Variants in ZNF296 observed in about 807,000 individuals in gnomAD.
The protein encoded by ZNF296 is zinc finger protein 342.
ZNF296 carries 1 observed loss-of-function variant against 13.2 expected under a neutral mutation model. That is an observed-to-expected ratio of 0.08 (90% CI 0.03 to 0.36). ZNF296 has a LOEUF of 0.36. ZNF296 is among the 10% of genes least tolerant of loss of function. The probability of loss-of-function intolerance (pLI) is 0.99; values close to 1 mark genes in which losing one functional copy is unlikely to be tolerated. For synonymous variants in ZNF296, 303 were observed against 289.0 expected (o/e 1.05, Z -0.49); for missense variants, 555 against 688.2 (o/e 0.81, Z 2.16).
intron 2 of ZNF296, among the ~76,000 whole-genome samples, chr19:45,073,537 T>C (rs1967292616): frequency 6.6e-6 from 1 of 150,850 alleles, no homozygotes; most frequent in Non-Finnish European, 1.5e-5. Flanking sequence ...GGTCGCGATC[T>C]CCTGACCTCA....
Position 45,076,092 on chromosome 19 carries a change from C to A in ZNF296, c.282G>T (p.Leu94Phe). The change falls in exon 1 of 3, where the codon TTG (leucine) becomes TTT (phenylalanine). Residue 94 changes from leucine to phenylalanine, a missense_variant. Physicochemically the swap from Leu to Phe is conservative, Grantham distance 22. Around this residue, in one of 3 missense-constraint regions of ZNF296, gnomAD observed 410 missense variants for 548.0 expected, o/e 0.75. Transcript: ENST00000303809. The surrounding 1 kb of genome is among the most constrained non-coding windows in gnomAD (Gnocchi z 4.9). ...PRNPWTLWTP[L>F]TPNYPDRQPW... ...GGTGCTCACCGGGATAGTTCGGGGT[C>A]AACGGCGTCCACAGGGTCCACGGGT... 1 of 1,580,184 alleles carries A rather than the reference C, an allele frequency of 6.3e-7. No homozygotes were observed. Among genetic ancestry groups the A allele is most frequent in the South Asian group, 1.1e-5 (1 of 87,066 alleles).
At chr19:45,075,439 GT>G (rs1361230621) in intron 2 of ZNF296, among the ~76,000 whole-genome samples, 2 of 152,126 alleles carry the variant, frequency 1.3e-5, no homozygotes, top group Non-Finnish European at 2.9e-5. Context: ...TGGGGTGTGT[GT>G]TGGGGGGGGC....
In ZNF296 at chr19:45,071,963, T is replaced by C. The variant is rs748981320; in HGVS notation, c.1066A>G (p.Thr356Ala). The change falls in exon 3 of 3, where the codon ACC (threonine) becomes GCC (alanine). Residue 356 changes from threonine to alanine, a missense_variant. By Grantham distance (58) the Thr-to-Ala change is moderately conservative (BLOSUM62 0). Around this residue, in one of 3 missense-constraint regions of ZNF296, gnomAD observed 410 missense variants for 548.0 expected, o/e 0.75. Transcript: ENST00000303809. ...GPGGDTWGAI[T>A]TEQRTDPANS... ...GCAGGGTCAGTTCTTTGTTCCGTGGTGATGGCTCCCCAAGTGTCTCCACCA... is the reference window on the plus strand; with the variant it reads ...GCAGGGTCAGTTCTTTGTTCCGTGGCGATGGCTCCCCAAGTGTCTCCACCA... The C allele has an allele frequency of 3.1e-6, 5 of 1,613,714 alleles. No homozygotes were observed. The highest frequency in any genetic ancestry group is 3.4e-6 in the Non-Finnish European group (4 of 1,180,032).
chr19:45,075,263 T>C (rs762003078), intron 2 of ZNF296, among the ~76,000 whole-genome samples: 143 of 152,084 alleles, frequency 9.4e-4, no homozygotes, highest in Non-Finnish European at 1.6e-3. Flanking sequence ...TCAATCAGAA[T>C]TGACAGAGAG....
rs761618699 is a variant in ZNF296 at position 45,076,224 on chromosome 19, G to T, written c.150C>A (p.Pro50=). ...CCGAGGACACCTCCTTCGGGGAGAA[G>T]GGCCCCAGCCTTGGGGCCTGTTGGG... The part of the protein sequence containing the change: ...AQPQQAPRLG[P]FSPKEVSSAG... Residue 50 remains proline (P), a synonymous_variant, in exon 1 of 3, where the codon CCC becomes CCA. Coordinates refer to ENST00000303809, the MANE Select transcript of ZNF296 (RefSeq NM_145288.3). The surrounding 1 kb of genome is among the most constrained non-coding windows in gnomAD (Gnocchi z 4.9). The T allele has an allele frequency of 3.4e-5, 52 of 1,507,886 alleles. No homozygotes were observed. The highest frequency in any genetic ancestry group is 3.6e-4 in the Middle Eastern group (2 of 5,608). The allele number at this position is 1,507,886 out of a possible 1,614,324, so 93.4% of individuals were successfully genotyped here.
At position 45,075,860 on chromosome 19, in the gene ZNF296, G is replaced by A. The variant is rs987582717; in HGVS notation, c.301C>T (p.Arg101Cys). ...GGGTGTTTGTCGGTCCAGGGCTGGC[G>A]GTCTGCAGGGAGGAAGCGGGTGGTG... ...WTPLTPNYPDRQPWTDKHPDL... is the reference protein window; with the variant it reads ...WTPLTPNYPDCQPWTDKHPDL... Residue 101 changes from arginine (R) to cysteine (C), a missense_variant and splice_region_variant, in exon 2 of 3, where the codon CGC (arginine) becomes TGC (cysteine). Physicochemically the swap from Arg to Cys is radical, Grantham distance 180. Transcript: ENST00000303809. 3 of 1,613,902 alleles carry A rather than the reference G, an allele frequency of 1.9e-6. No homozygotes were observed. Among genetic ancestry groups the A allele is most frequent in the South Asian group, 1.1e-5 (1 of 91,072 alleles).
Position 45,071,897 on chromosome 19 carries a change from C to T in ZNF296, c.1132G>A (p.Gly378Arg). 2.5e-6 allele frequency: 4 copies of T among 1,613,460 alleles called. No individual in the cohort carries two copies. Among genetic ancestry groups the T allele is most frequent in the Non-Finnish European group, 2.5e-6 (3 of 1,180,008 alleles). Residue 378 changes from glycine to arginine, a missense_variant, in exon 3 of 3, where the codon GGG (glycine) becomes AGG (arginine). Physicochemically the swap from Gly to Arg is moderately radical, Grantham distance 125 (BLOSUM62 -2). Transcript: ENST00000303809. ...CCCCCGGGCCCGCGGCTCTTGCCCCCTGACTTGGGCATCTTTTTGGGTGAT... is the reference window on the plus strand; with the variant it reads ...CCCCCGGGCCCGCGGCTCTTGCCCCTTGACTTGGGCATCTTTTTGGGTGAT... ...KASPKKMPKSGGKSRGPGGSC... is the reference protein window; with the variant it reads ...KASPKKMPKSRGKSRGPGGSC...
intron 2 of ZNF296, 91 bp downstream of exon 2, chr19:45,075,622 T>C: frequency 6.8e-7 from 1 of 1,460,174 alleles, no homozygotes; most frequent in South Asian, 1.2e-5. Flanking sequence ...GGGGAAGTAG[T>C]GCTCAGTGCC....
chr19:45,071,572 C>T lies in ZNF296; in HGVS notation c.*29G>A, dbSNP rs750299828. 3.3e-6 allele frequency: 5 copies of T among 1,504,468 alleles called. No homozygotes were observed. The highest frequency in any genetic ancestry group is 4.4e-6 in the Non-Finnish European group (5 of 1,136,368). 93.2% of individuals were successfully genotyped at this position (1,504,468 alleles called of 1,614,324 possible). On this transcript the variant is annotated 3_prime_UTR_variant, in exon 3 of 3. Transcript: ENST00000303809. Reference sequence around the variant, plus strand: ...GGTCAATGGGTGTTGGCAGCGGTACCAGGGACAGTGAGGGGGGCTTTCCTG... The same window carrying T: ...GGTCAATGGGTGTTGGCAGCGGTACTAGGGACAGTGAGGGGGGCTTTCCTG...
Position 45,071,998 on chromosome 19 carries a change from T to G in ZNF296, c.1031A>C (p.Gln344Pro). The G allele has an allele frequency of 6.2e-7, 1 of 1,613,278 alleles. No individual in the cohort carries two copies. Among genetic ancestry groups the G allele is most frequent in the Non-Finnish European group, 8.5e-7 (1 of 1,180,012 alleles). The change falls in exon 3 of 3, where the codon CAA (glutamine) becomes CCA (proline). Residue 344 changes from glutamine to proline, a missense_variant. This residue lies in a region of ZNF296 where 410 missense variants were observed against 548.0 expected (regional missense o/e 0.75). Transcript: ENST00000303809. ...QEPGAPGSGA[Q>P]AGPGGDTWGA... ...CCAAGTGTCTCCACCAGGGCCGGCTTGAGCCCCACTGCCAGGAGCCCCGGG... is the reference window on the plus strand; with the variant it reads ...CCAAGTGTCTCCACCAGGGCCGGCTGGAGCCCCACTGCCAGGAGCCCCGGG...
At chr19:45,074,918 A>G (rs556677365) in intron 2 of ZNF296, among the ~76,000 whole-genome samples, 1 of 152,062 alleles carries the variant, frequency 6.6e-6, no homozygotes, top group East Asian at 1.9e-4. Flanking sequence ...AGCTGATTCA[A>G]TCAGTCACAA....
At position 45,071,721 on chromosome 19, in the gene ZNF296, G is replaced by C. The variant is rs146772458; in HGVS notation, c.1308C>G (p.His436Gln). 10 of 1,603,856 alleles carry C rather than the reference G, an allele frequency of 6.2e-6. No individual in the cohort carries two copies. Among genetic ancestry groups the C allele is most frequent in the African/African-American group, 2.7e-5 (2 of 74,656 alleles). The change falls in exon 3 of 3, where the codon CAC becomes CAG. Residue 436 changes from histidine (H) to glutamine (Q), a missense_variant. This residue lies in a region of ZNF296 where 410 missense variants were observed against 548.0 expected (regional missense o/e 0.75). Coordinates refer to ENST00000303809, the MANE Select transcript of ZNF296 (RefSeq NM_145288.3). ...AGCGGGTGCTGCCAGGCGTCATGCC[G>C]TGCATGCGGCGGTGGCGGTTGAGCT... is the stretch of plus-strand genomic sequence containing the variant. ...SSKLNRHRRM[H>Q]GMTPGSTRFE... is the part of the protein sequence containing the mutation.
chr19:45,073,394 G>A lies in ZNF296; in HGVS notation c.449-814C>T, dbSNP rs1165644689. ...GGCTATTTTTTTTTTTTTTTGAGACGGAGCCTTGCTCTGTCGCCCAGGCTG... is the reference window on the plus strand; with the variant it reads ...GGCTATTTTTTTTTTTTTTTGAGACAGAGCCTTGCTCTGTCGCCCAGGCTG... On this transcript the variant is annotated intron_variant, in intron 2 of 2. Coordinates refer to ENST00000303809, the MANE Select transcript of ZNF296 (RefSeq NM_145288.3). 1.2e-4 allele frequency among the ~76,000 whole-genome samples: 17 copies of A among 142,298 alleles called. No homozygotes were observed. The East Asian group carries it at 1.2e-3, about 10-fold the overall frequency. The allele number at this position is 142,298 out of a possible 152,430, so 93.4% of individuals were successfully genotyped here.
rs774866288 is a variant in ZNF296, at chr19:45,075,805, T to A, written c.356A>T (p.Gln119Leu). 28 of 1,613,982 alleles carry A rather than the reference T, an allele frequency of 1.7e-5. No individual in the cohort carries two copies. The highest frequency in any genetic ancestry group is 1.6e-4 in the Middle Eastern group (1 of 6,084). The change falls in exon 2 of 3, where the codon CAG (glutamine) becomes CTG (leucine). Residue 119 changes from glutamine (Q) to leucine (L), a missense_variant. By Grantham distance (113) the Gln-to-Leu change is moderately radical. Coordinates refer to ENST00000303809, the MANE Select transcript of ZNF296 (RefSeq NM_145288.3). ...AGTGATGGCCTCCAACGGGAAGGTC[T>A]GCAGGCAGCGGCCGCAGGTCAACAG... ...PDLLTCGRCL[Q>L]TFPLEAITAF... is the part of the protein sequence containing the mutation.
At position 45,075,734 on chromosome 19, in the gene ZNF296, G is replaced by A. The variant is rs199895704; in HGVS notation, c.427C>T (p.Pro143Ser). The change falls in exon 2 of 3, where the codon CCC becomes TCC. Residue 143 changes from proline to serine, a missense_variant. Pro to Ser is a moderately conservative substitution (Grantham distance 74). Around this residue, in one of 3 missense-constraint regions of ZNF296, gnomAD observed 410 missense variants for 548.0 expected, o/e 0.75. Transcript: ENST00000303809. ...KKLGCQLFRG[P>S]SRGQGSEREE... ...TCACCTGAGCCCTGGCCGCGGCTGG[G>A]GCCTCTGAAGAGCTGACAGCCCAGC... is the stretch of plus-strand genomic sequence containing the variant. 15 of 1,613,952 alleles carry A rather than the reference G, an allele frequency of 9.3e-6. No individual in the cohort carries two copies. The highest frequency in any genetic ancestry group is 1.3e-5 in the Non-Finnish European group (15 of 1,179,994).
Position 45,075,330 on chromosome 19 carries a change from C to A in ZNF296, c.448+383G>T, listed in dbSNP as rs559335425. Among the ~76,000 whole-genome samples the A allele has an allele frequency of 2.6e-5, 4 of 152,338 alleles. No individual in the cohort carries two copies. In the East Asian group the frequency reaches 7.7e-4, roughly 29 times the overall value. On this transcript the variant is annotated intron_variant, in intron 2 of 2. Coordinates refer to ENST00000303809, the MANE Select transcript of ZNF296 (RefSeq NM_145288.3). The stretch of plus-strand genomic sequence containing the variant: ...AGCTGGCCTCCACTCCCCCTCCCCC[C>A]GGCCGCTGCCCTCCCTAGAGGTCCC...
In ZNF296 at chr19:45,075,848, T is replaced by C. The variant is rs369727587; in HGVS notation, c.313A>G (p.Thr105Ala). 4.3e-6 allele frequency: 7 copies of C among 1,613,710 alleles called. No individual in the cohort carries two copies. In the African/African-American group the frequency reaches 8.0e-5, roughly 18 times the overall value. ...GTCAACAGATCTGGGTGTTTGTCGGTCCAGGGCTGGCGGTCTGCAGGGAGG... is the reference window on the plus strand; with the variant it reads ...GTCAACAGATCTGGGTGTTTGTCGGCCCAGGGCTGGCGGTCTGCAGGGAGG... The part of the protein sequence containing the change: ...TPNYPDRQPW[T>A]DKHPDLLTCG... Residue 105 changes from threonine to alanine, a missense_variant, in exon 2 of 3, where the codon ACC becomes GCC. Thr to Ala is a moderately conservative substitution (Grantham distance 58, BLOSUM62 0). Coordinates refer to ENST00000303809, the MANE Select transcript of ZNF296 (RefSeq NM_145288.3).
Position 45,071,834 on chromosome 19 carries a change from T to A in ZNF296, c.1195A>T (p.Ser399Cys). 1 of 1,613,292 alleles carries A rather than the reference T, an allele frequency of 6.2e-7. No individual in the cohort carries two copies. Among genetic ancestry groups the A allele is most frequent in the South Asian group, 1.1e-5 (1 of 91,082 alleles). Residue 399 changes from serine (S) to cysteine (C), a missense_variant, in exon 3 of 3, where the codon AGC becomes TGC. Ser to Cys is a moderately radical substitution (Grantham distance 112). Transcript: ENST00000303809. ...EFCGKHFTNS[S>C]NLTVHRRSHT... ...GAGCGCCGGTGCACCGTCAGGTTGCTGCTGTTGGTAAAATGCTTCCCGCAG... is the reference window on the plus strand; with the variant it reads ...GAGCGCCGGTGCACCGTCAGGTTGCAGCTGTTGGTAAAATGCTTCCCGCAG...
At position 45,071,626 on chromosome 19, in the gene ZNF296, T is replaced by C. The variant is rs1967256259; in HGVS notation, c.1403A>G (p.His468Arg). Residue 468 changes from histidine (H) to arginine (R), a missense_variant, in exon 3 of 3, where the codon CAC becomes CGC. Transcript: ENST00000303809. ...TCAGGCCTCGCCGGCCGCCTCAGGG[T>C]GCTTCTGCCGCAGGTGTTTGTCCAG... ...ATLDKHLRQK[H>R]PEAAGEA is the part of the protein sequence containing the mutation. 2.0e-6 allele frequency: 3 copies of C among 1,525,456 alleles called. No homozygotes were observed. The highest frequency in any genetic ancestry group is 8.8e-7 in the Non-Finnish European group (1 of 1,141,934). 94.5% of individuals were successfully genotyped at this position (1,525,456 alleles called of 1,614,324 possible). A position where few individuals can be genotyped will look rare whatever the true frequency, so the allele number is the denominator to read the frequency against.
Sources: gnomAD v4.1 joint callset for allele counts (sites outside exome capture counted in the v4.1 genomes callset) on GRCh38, gnomAD v4.1.1 for gene constraint, gnomAD v4.1.1 regional missense constraint, Gnocchi (gnomAD v3.1) non-coding constraint, MANE v1.5 for transcripts, NCBI Gene and HGNC (gene_info 2026-07-23, HGNC 2026-07-21) for gene names.